The following ADGRL2 variants were observed in gnomAD, a reference collection of about 807,000 sequenced individuals.
The protein encoded by ADGRL2 is adhesion G protein-coupled receptor L2.
Under a neutral mutation model 157.4 loss-of-function variants are expected in ADGRL2, and 44 were observed. That is an observed-to-expected ratio of 0.28 (90% CI 0.22 to 0.36). The LOEUF is 0.36. Ranked by LOEUF, ADGRL2 falls within the 10% of genes least tolerant of loss-of-function variation. ADGRL2 has a pLI of 1.00. For synonymous variants in ADGRL2, 585 were observed against 624.7 expected, an observed-to-expected ratio of 0.94 and a Z score of 0.95; for missense variants, 1,510 against 1,768.9, an observed-to-expected ratio of 0.85 and a Z score of 2.63.
At chr1:81,330,754 A>G (rs1223764130) in intron 1 of ADGRL2, among the ~76,000 whole-genome samples, 1 of 152,186 alleles carries the variant, frequency 6.6e-6, no homozygotes, top group African/African-American at 2.4e-5. Context: ...TGTCCTGGAA[A>G]GAAGTGTTTC....
At chr1:81,312,009 C>A (rs1247158848) in intron 1 of ADGRL2, among the ~76,000 whole-genome samples, 3 of 152,104 alleles carry the variant, frequency 2.0e-5, no homozygotes, top group Non-Finnish European at 4.4e-5. Context: ...GCTTTTAAAC[C>A]TCTGTCACTA....
At chr1:81,353,619 G>T (rs939087922) in intron 1 of ADGRL2, among the ~76,000 whole-genome samples, 3 of 152,132 alleles carry the variant, frequency 2.0e-5, no homozygotes, top group Non-Finnish European at 4.4e-5. Flanking sequence ...TGATTGATTG[G>T]ATGTAGAAAG....
chr1:81,709,379 G>A (rs1372187989), intron 1 of ADGRL2, among the ~76,000 whole-genome samples: 1 of 152,126 alleles, frequency 6.6e-6, no homozygotes, highest in Non-Finnish European at 1.5e-5. Flanking sequence ...TTTCCTGCAA[G>A]AGACTATCTC....
chr1:81,356,246 G>A (rs1663277507), intron 1 of ADGRL2, among the ~76,000 whole-genome samples: 1 of 152,196 alleles, frequency 6.6e-6, no homozygotes, highest in Non-Finnish European at 1.5e-5. Flanking sequence ...AATTAAAGAT[G>A]CTGAAACGCA....
intron 2 of ADGRL2, among the ~76,000 whole-genome samples, chr1:81,529,606 T>G (rs971407243): frequency 2.0e-5 from 3 of 152,234 alleles, no homozygotes; most frequent in Non-Finnish European, 4.4e-5. Flanking sequence ...TGGCATTATT[T>G]TTTATTGTTG....
intron 2 of ADGRL2, among the ~76,000 whole-genome samples, chr1:81,459,249 G>A (rs1324101322): frequency 6.6e-6 from 1 of 152,178 alleles, no homozygotes; most frequent in East Asian, 1.9e-4. Context: ...TCATTGGCTT[G>A]AAGGTCAGGT....
At chr1:81,751,841 G>A (rs1329749523) in intron 1 of ADGRL2, among the ~76,000 whole-genome samples, 1 of 152,092 alleles carries the variant, frequency 6.6e-6, no homozygotes, top group Non-Finnish European at 1.5e-5. Context: ...AATGTTATTT[G>A]TCATTACAAC....
intron 1 of ADGRL2, among the ~76,000 whole-genome samples, chr1:81,340,967 A>G (rs571600547): frequency 3.3e-5 from 5 of 151,956 alleles, no homozygotes; most frequent in African/African-American, 1.2e-4. Context: ...CATTTTCCAC[A>G]TCGTCAATGG....
intron 2 of ADGRL2, among the ~76,000 whole-genome samples, chr1:81,552,835 A>G (rs1034783445): frequency 2.0e-5 from 3 of 152,214 alleles, no homozygotes; most frequent in African/African-American, 7.2e-5. Context: ...GGTGAGATAC[A>G]CATTTAATAA....
intron 1 of ADGRL2, among the ~76,000 whole-genome samples, chr1:81,393,018 A>T (rs999121476): frequency 2.6e-5 from 4 of 152,114 alleles, no homozygotes; most frequent in African/African-American, 9.7e-5. Context: ...GTTTGATAAC[A>T]TCTGCACATG....
intron 1 of ADGRL2, among the ~76,000 whole-genome samples, chr1:81,311,872 G>A (rs1659777161): frequency 6.6e-6 from 1 of 152,166 alleles, no homozygotes. Context: ...GAAGGAGACT[G>A]AAAGACAAAG....
chr1:81,973,754 C>T (rs1433942115), intron 17 of ADGRL2, among the ~76,000 whole-genome samples: 3 of 152,174 alleles, frequency 2.0e-5, no homozygotes, highest in Non-Finnish European at 2.9e-5. Flanking sequence ...CATTCTCAAA[C>T]ACAAACCCCA....
At chr1:81,815,500 C>G (rs1299288123) in intron 1 of ADGRL2, among the ~76,000 whole-genome samples, 1 of 151,798 alleles carries the variant, frequency 6.6e-6, no homozygotes, top group South Asian at 2.1e-4. Flanking sequence ...ACAGCTACAA[C>G]ACAGTAAGGT....
In ADGRL2 at chr1:81,953,032, C is replaced by T. The variant is rs376798382; in HGVS notation, c.1833+7C>T. ...ATGCAGGGCTTACCTTAAGGTATCTCTCCTGTGCTGTCACCCTGCTTTCTC... is the reference window on the plus strand; with the variant it reads ...ATGCAGGGCTTACCTTAAGGTATCTTTCCTGTGCTGTCACCCTGCTTTCTC... On this transcript the variant is annotated splice_region_variant and intron_variant, in intron 10 of 23. Transcript: ENST00000686636. 2 of 1,610,368 alleles carry T rather than the reference C, an allele frequency of 1.2e-6. No individual in the cohort carries two copies. Among genetic ancestry groups the T allele is most frequent in the South Asian group, 2.2e-5 (2 of 90,920 alleles).
At chr1:81,871,830 A>T (rs1407415683) in intron 2 of ADGRL2, among the ~76,000 whole-genome samples, 5 of 152,170 alleles carry the variant, frequency 3.3e-5, no homozygotes, top group African/African-American at 1.2e-4. Context: ...TCTGGATATT[A>T]GTCCTTTGTC....
intron 3 of ADGRL2, among the ~76,000 whole-genome samples, chr1:81,619,884 C>G (rs2081752065): frequency 6.6e-6 from 1 of 151,778 alleles, no homozygotes; most frequent in African/African-American, 2.4e-5. Flanking sequence ...CCTTGTTTAC[C>G]AGGTGTGTGA....
intron 1 of ADGRL2, among the ~76,000 whole-genome samples, chr1:81,829,255 A>G (rs1036981681): frequency 2.6e-5 from 4 of 152,202 alleles, no homozygotes; most frequent in African/African-American, 9.6e-5. Flanking sequence ...TCAGGCTGAC[A>G]TGGGAAGCCA....
In ADGRL2 at chr1:81,990,712, T is replaced by A. The variant is rs1039719171; in HGVS notation, c.3977T>A (p.Leu1326Gln). The A allele has an allele frequency of 9.9e-6, 16 of 1,614,154 alleles. No individual in the cohort carries two copies. The Middle Eastern group carries it at 4.9e-4, about 50-fold the overall frequency. ...SSLMHSDNPG[L>Q]ELHHKELEAP... ...TTAATGCACAGCGACAACCCAGGGC[T>A]GGAGCTCCATCACAAAGAACTCGAG... Residue 1326 changes from leucine (L) to glutamine (Q), a missense_variant, in exon 24 of 24, where the codon CTG (leucine) becomes CAG (glutamine). Transcript: ENST00000686636.
intron 1 of ADGRL2, among the ~76,000 whole-genome samples, chr1:81,365,620 T>A (rs1166469974): frequency 6.6e-6 from 1 of 152,202 alleles, no homozygotes; most frequent in African/African-American, 2.4e-5. Context: ...ACAGCACTGA[T>A]TTACCTAATA....
Sources: gnomAD v4.1 joint callset for allele counts (sites outside exome capture counted in the v4.1 genomes callset) on GRCh38, gnomAD v4.1.1 for gene constraint, MANE v1.5 for transcripts, NCBI Gene and HGNC (gene_info 2026-07-23, HGNC 2026-07-21) for gene names.